Variants in RHPN1 observed in about 807,000 individuals in gnomAD.
The protein encoded by RHPN1 is rhophilin Rho GTPase binding protein 1, also known as rhophilin-1.
A neutral mutation model predicts 74.7 loss-of-function variants in RHPN1; 77 were observed. The ratio of observed to expected loss-of-function variants is 1.03; its 90% CI spans 0.86 to 1.25. The LOEUF (loss-of-function observed/expected upper bound fraction) is 1.25, where lower values mean the gene tolerates loss of function less well. RHPN1 is among the 50% of genes most tolerant of loss of function. The pLI is 0.00. For missense variants in RHPN1, 987 were observed against 932.2 expected (o/e 1.06, Z -0.77); for synonymous variants, 444 against 414.5 (o/e 1.07, Z -0.87).
At chr8:143,373,760 CT>C (rs1300613999) in intron 1 of RHPN1, among the ~76,000 whole-genome samples, 1 of 151,900 alleles carries the variant, frequency 6.6e-6, no homozygotes, top group East Asian at 1.9e-4. Context: ...CCTCCAGTCT[CT>C]GTCTCTGCCT....
At chr8:143,371,209 C>T (rs1250658789) in intron 1 of RHPN1, among the ~76,000 whole-genome samples, 1 of 152,182 alleles carries the variant, frequency 6.6e-6, no homozygotes, top group African/African-American at 2.4e-5. Flanking sequence ...TCCCAGGAGA[C>T]ACCTGTGCAG....
chr8:143,377,656 T>C (rs1218145314), intron 4 of RHPN1, among the ~76,000 whole-genome samples: 2 of 152,214 alleles, frequency 1.3e-5, no homozygotes, highest in Admixed American at 1.3e-4. Flanking sequence ...GCCCCGCTGG[T>C]GCCTGCGCCC....
rs1396039150 is a variant in RHPN1 at position 143,378,639 on chromosome 8, AGT to A, written c.460-49_460-48del. The A allele has an allele frequency of 3.2e-5, 50 of 1,565,562 alleles. No homozygotes were observed. The South Asian group carries it at 3.6e-4, about 11-fold the overall frequency. Reference sequence around the variant, plus strand: ...TGGTGCCCATGGGACTTCCCAGGGCAGTGTGTGTGAGTGGGGTGGGCCAGGGC... The same window carrying A: ...TGGTGCCCATGGGACTTCCCAGGGCAGTGTGTGAGTGGGGTGGGCCAGGGC... On this transcript the variant is annotated intron_variant, in intron 5 of 14. Transcript: ENST00000289013.
intron 1 of RHPN1, among the ~76,000 whole-genome samples, chr8:143,371,078 A>G (rs918122855): frequency 1.3e-5 from 2 of 152,122 alleles, no homozygotes; most frequent in African/African-American, 4.8e-5. Flanking sequence ...CTCCAGGAAG[A>G]GGGGTGCTCA....
chr8:143,380,144 G>T lies in RHPN1; in HGVS notation c.1185G>T (p.Leu395=). ...CCTCTAAGCCCCGAGGCCCTGTGCT[G>T]CCGCAGGAGCTGGAGGAGCGCAGGC... ...PTSSKPRGPV[L]PQELEERRQL... The change falls in exon 10 of 15, where the codon CTG becomes CTT. Residue 395 remains leucine (L), a synonymous_variant. Transcript: ENST00000289013. 6.5e-7 allele frequency: 1 copy of T among 1,548,044 alleles called. No individual in the cohort carries two copies.
chr8:143,381,430 T>C (rs529222818), intron 12 of RHPN1, 86 bp downstream of exon 12: 22 of 1,457,576 alleles, frequency 1.5e-5, no homozygotes, highest in Middle Eastern at 3.6e-4. Context: ...AGACAGGCCA[T>C]TGATGGTGGT....
At position 143,368,945 on chromosome 8, in the gene RHPN1, G is replaced by A. The variant is rs1426995007; in HGVS notation, c.-43G>A. ...GCTGCGGAGCGCTGCGCGAGCGGCG[G>A]GCTGGCTGACCCCGAGGGACCCCCA... On this transcript the variant is annotated 5_prime_UTR_variant, in exon 1 of 15. Transcript: ENST00000289013. 2 of 1,423,168 alleles carry A rather than the reference G, an allele frequency of 1.4e-6. No individual in the cohort carries two copies. Among genetic ancestry groups the A allele is most frequent in the African/African-American group, 1.5e-5 (1 of 66,184 alleles). The allele number at this position is 1,423,168 out of a possible 1,614,324, so 88.2% of individuals were successfully genotyped here.
Position 143,378,795 on chromosome 8 carries a change from A to T in RHPN1, c.559A>T (p.Arg187Trp). The T allele has an allele frequency of 6.4e-7, 1 of 1,566,004 alleles. No homozygotes were observed. The highest frequency in any genetic ancestry group is 8.7e-7 in the Non-Finnish European group (1 of 1,155,750). ...GGATGCGCGCTTCCTCACCCCTGCC[A>T]GGAGCCTCGGGCTCTTCTTCCACTG... ...FLDARFLTPA[R>W]SLGLFFHWYD... is the part of the protein sequence containing the mutation. Residue 187 changes from arginine (R) to tryptophan (W), a missense_variant, in exon 6 of 15, where the codon AGG (arginine) becomes TGG (tryptophan). Physicochemically the swap from Arg to Trp is moderately radical, Grantham distance 101. Coordinates refer to ENST00000289013, the MANE Select transcript of RHPN1 (RefSeq NM_052924.3).
chr8:143,369,020 C>T lies in RHPN1; in HGVS notation c.33C>T (p.Gly11=). The T allele has an allele frequency of 6.7e-7, 1 of 1,495,960 alleles. No homozygotes were observed. The allele number at this position is 1,495,960 out of a possible 1,614,324, so 92.7% of individuals were successfully genotyped here. A position where few individuals can be genotyped will look rare whatever the true frequency, so the allele number is the denominator to read the frequency against. ...TGGAGGAGAGGCCGGACGGCGCGGGCGCCGGCGAGGAGAGCCCGCGGCTGC... is the reference window on the plus strand; with the variant it reads ...TGGAGGAGAGGCCGGACGGCGCGGGTGCCGGCGAGGAGAGCCCGCGGCTGC... MILEERPDGA[G]AGEESPRLQG... Residue 11 remains glycine (G), a synonymous_variant, in exon 1 of 15, where the codon GGC becomes GGT. Coordinates refer to ENST00000289013, the MANE Select transcript of RHPN1 (RefSeq NM_052924.3).
chr8:143,382,946 A>T lies in RHPN1; in HGVS notation c.*295A>T, dbSNP rs1391077943. 3 of 448,244 alleles carry T rather than the reference A, an allele frequency of 6.7e-6. No individual in the cohort carries two copies. In the South Asian group the frequency reaches 8.2e-5, roughly 12 times the overall value. The allele number at this position is 448,244 out of a possible 1,614,324, so 27.8% of individuals were successfully genotyped here. A position where few individuals can be genotyped will look rare whatever the true frequency, so the allele number is the denominator to read the frequency against. ...ACAGGGTGCTCCTCACAGCCATCCC[A>T]TCTGTACCCCCGGGCTCTGTCCACC... On this transcript the variant is annotated 3_prime_UTR_variant, in exon 15 of 15. Transcript: ENST00000289013.
intron 10 of RHPN1, 116 bp downstream of exon 10, chr8:143,380,291 G>A: frequency 1.3e-6 from 1 of 780,612 alleles, no homozygotes; most frequent in Non-Finnish European, 2.0e-6. Context: ...GACGAGTTGG[G>A]CCACCTACCT....
At chr8:143,366,310 AT>A (rs561675229), upstream of RHPN1, among the ~76,000 whole-genome samples, 1 of 151,780 alleles carries the variant, frequency 6.6e-6, no homozygotes, top group African/African-American at 2.4e-5. Flanking sequence ...CCATCCTTTC[AT>A]TTTTCCCCCT....
intron 1 of RHPN1, 26 bp downstream of exon 1, chr8:143,369,073 G>C (rs1396978729): frequency 1.4e-6 from 2 of 1,456,670 alleles, no homozygotes; most frequent in Middle Eastern, 2.4e-4. Flanking sequence ...GCGGCGGCGG[G>C]AGGAGGGGCC....
rs750402292 is a variant in RHPN1, at chr8:143,380,654, C to T, written c.1282C>T (p.Arg428Cys). The T allele has an allele frequency of 2.4e-5, 38 of 1,566,938 alleles. No homozygotes were observed. The Admixed American group carries it at 3.5e-4, about 15-fold the overall frequency. Residue 428 changes from arginine (R) to cysteine (C), a missense_variant, in exon 11 of 15, where the codon CGC (arginine) becomes TGC (cysteine). By Grantham distance (180) the Arg-to-Cys change is radical. Coordinates refer to ENST00000289013, the MANE Select transcript of RHPN1 (RefSeq NM_052924.3). ...GGCGCTGCGGCTGCACGCCCTGTGC[C>T]GCGTCCTGCGCGAGGTGGACCTGCT... Reference protein sequence around the residue: ...EEALRLHALCRVLREVDLLRA... With the variant: ...EEALRLHALCCVLREVDLLRA...
At chr8:143,380,302 A>C in intron 10 of RHPN1, 127 bp downstream of exon 10, 1 of 737,808 alleles carries the variant, frequency 1.4e-6, no homozygotes, top group South Asian at 1.9e-5. Flanking sequence ...CCACCTACCT[A>C]TCCCTGGATG....
chr8:143,380,577 C>A lies in RHPN1; in HGVS notation c.1217-12C>A. 6.7e-7 allele frequency: 1 copy of A among 1,483,026 alleles called. No individual in the cohort carries two copies. The highest frequency in any genetic ancestry group is 1.3e-5 in the South Asian group (1 of 75,524). 91.9% of individuals were successfully genotyped at this position (1,483,026 alleles called of 1,614,324 possible). ...CCACATGGTGTGTGACATCCCAGTG[C>A]CCCGCGTGCAGGCAAGGCACACCTG... On this transcript the variant is annotated splice_polypyrimidine_tract_variant and intron_variant, in intron 10 of 14. Coordinates refer to ENST00000289013, the MANE Select transcript of RHPN1 (RefSeq NM_052924.3).
intron 8 of RHPN1, 133 bp from the exon 9 acceptor site, chr8:143,379,696 A>G: frequency 4.8e-6 from 7 of 1,451,454 alleles, no homozygotes; most frequent in Non-Finnish European, 6.3e-6. Context: ...AGGGGATGGC[A>G]CAAAGCAGCA....
At chr8:143,376,112 C>T (rs1818199964) in intron 2 of RHPN1, among the ~76,000 whole-genome samples, 1 of 152,214 alleles carries the variant, frequency 6.6e-6, no homozygotes, top group African/African-American at 2.4e-5. Flanking sequence ...CCTGCTACCT[C>T]CCTGCCCCCA....
intron 8 of RHPN1, 139 bp from the exon 9 acceptor site, chr8:143,379,690 G>T: frequency 6.9e-7 from 1 of 1,448,206 alleles, no homozygotes; most frequent in Non-Finnish European, 9.1e-7. Flanking sequence ...GCCTCCAGGG[G>T]ATGGCACAAA....
Sources: allele counts gnomAD v4.1 joint callset (sites outside exome capture counted in the v4.1 genomes callset), GRCh38; gene constraint gnomAD v4.1.1; transcripts MANE v1.5; gene names NCBI Gene and HGNC (gene_info 2026-07-23, HGNC 2026-07-21).